CACNB2: variants seen among roughly 807,000 people sequenced by gnomAD.
CACNB2 encodes voltage-dependent L-type calcium channel subunit beta-2.
Under a neutral mutation model 73.3 loss-of-function variants are expected in CACNB2, and 42 were observed. That is an observed-to-expected ratio of 0.57 (90% CI 0.45 to 0.74). The LOEUF (loss-of-function observed/expected upper bound fraction) is 0.74, where lower values mean the gene tolerates loss of function less well. CACNB2 is among the 30% of genes least tolerant of loss of function. The probability of loss-of-function intolerance (pLI) is 0.00; values close to 1 mark genes in which losing one functional copy is unlikely to be tolerated. For missense variants in CACNB2, 940 were observed against 853.0 expected (o/e 1.10, Z -1.27); for synonymous variants, 348 against 310.3 (o/e 1.12, Z -1.28).
chr10:18,220,904 G>A (rs1384055676), intron 2 of CACNB2, among the ~76,000 whole-genome samples: 2 of 152,164 alleles, frequency 1.3e-5, no homozygotes, highest in East Asian at 3.8e-4. Flanking sequence ...CATGAAACCG[G>A]CCTCTGGTGC....
intron 3 of CACNB2, among the ~76,000 whole-genome samples, chr10:18,446,598 T>C (rs901288012): frequency 6.6e-6 from 1 of 152,204 alleles, no homozygotes; most frequent in African/African-American, 2.4e-5. Flanking sequence ...CCAGTGACAC[T>C]ACTTAGTATC....
intron 2 of CACNB2, among the ~76,000 whole-genome samples, chr10:18,266,160 T>C (rs2037789339): frequency 6.6e-6 from 1 of 152,236 alleles, no homozygotes; most frequent in African/African-American, 2.4e-5. Flanking sequence ...TTATGCCCAC[T>C]ATTTCATTTG....
At position 18,539,210 on chromosome 10, in the gene CACNB2, T is replaced by C; in HGVS notation, c.1489-20T>C. Reference sequence around the variant, plus strand: ...CACACTGACCTTGGTTAACGCCTGGTGTGCTCCTTTCGCTGCCAGGGTTCT... The same window carrying C: ...CACACTGACCTTGGTTAACGCCTGGCGTGCTCCTTTCGCTGCCAGGGTTCT... On this transcript the variant is annotated intron_variant, in intron 13 of 13. Transcript: ENST00000324631. The C allele has an allele frequency of 6.2e-7, 1 of 1,613,938 alleles. No homozygotes were observed.
intron 2 of CACNB2, among the ~76,000 whole-genome samples, chr10:18,300,116 G>A (rs2039449070): frequency 6.6e-6 from 1 of 152,032 alleles, no homozygotes; most frequent in Non-Finnish European, 1.5e-5. Context: ...CCACCTCCCG[G>A]GTTCAAGTGA....
At chr10:18,332,905 T>A (rs1469281515) in intron 2 of CACNB2, among the ~76,000 whole-genome samples, 1 of 152,224 alleles carries the variant, frequency 6.6e-6, no homozygotes, top group Non-Finnish European at 1.5e-5. Flanking sequence ...TTTACCATGT[T>A]AAATGCAGGT....
intron 2 of CACNB2, chr10:18,181,749 T>G (rs962584158): frequency 6.6e-6 from 1 of 151,418 alleles, no homozygotes; most frequent in African/African-American, 2.4e-5. Flanking sequence ...CATGCAGCTG[T>G]AACTATGGGC....
At chr10:18,159,042 C>T (rs960774491) in intron 2 of CACNB2, among the ~76,000 whole-genome samples, 17 of 152,000 alleles carry the variant, frequency 1.1e-4, no homozygotes, top group Non-Finnish European at 2.1e-4. Context: ...TCCCTCCCTC[C>T]CTGTTTTGTC....
intron 4 of CACNB2, among the ~76,000 whole-genome samples, chr10:18,499,888 T>C (rs2050099034): frequency 6.6e-6 from 1 of 151,606 alleles, no homozygotes; most frequent in African/African-American, 2.4e-5. Context: ...AGTGGATTGA[T>C]TGAGCCTGGA....
At chr10:18,415,788 A>G (rs937268495) in intron 3 of CACNB2, among the ~76,000 whole-genome samples, 2 of 152,220 alleles carry the variant, frequency 1.3e-5, no homozygotes, top group African/African-American at 4.8e-5. Flanking sequence ...ACCATTCGTA[A>G]GTGTACAATT....
intron 2 of CACNB2, among the ~76,000 whole-genome samples, chr10:18,376,248 C>A (rs932791039): frequency 3.0e-4 from 46 of 152,200 alleles, no homozygotes; most frequent in African/African-American, 1.1e-3. Flanking sequence ...CACAGAAAGA[C>A]AAATTTCTCA....
At chr10:18,432,835 A>AAAAC (rs71402166) in intron 3 of CACNB2, among the ~76,000 whole-genome samples, 51,993 of 150,772 alleles carry the variant, frequency 0.34, 9,041 homozygotes, top group African/African-American at 0.38. Context: ...CCTGTCTAAA[A>AAAAC]AAACAAACAA....
chr10:18,414,998 A>G (rs1478325926), intron 3 of CACNB2, among the ~76,000 whole-genome samples: 1 of 152,256 alleles, frequency 6.6e-6, no homozygotes, highest in Non-Finnish European at 1.5e-5. Context: ...GGAAAAAAGT[A>G]GAATGTATTT....
At chr10:18,308,272 G>A (rs539545419) in intron 2 of CACNB2, among the ~76,000 whole-genome samples, 130 of 152,204 alleles carry the variant, frequency 8.5e-4, no homozygotes, top group Non-Finnish European at 1.7e-3. Flanking sequence ...GGGATTATAG[G>A]CGTGAACCAC....
chr10:18,484,616 A>G (rs902402997), intron 3 of CACNB2, among the ~76,000 whole-genome samples: 3 of 152,124 alleles, frequency 2.0e-5, no homozygotes, highest in African/African-American at 4.8e-5. Flanking sequence ...AAACTTTTCA[A>G]TCGCTGTAGC....
chr10:18,298,988 A>G (rs1389967826), intron 2 of CACNB2, among the ~76,000 whole-genome samples: 1 of 151,880 alleles, frequency 6.6e-6, no homozygotes, highest in Non-Finnish European at 1.5e-5. Flanking sequence ...TAATGAGTGC[A>G]GCACACCAAC....
intron 2 of CACNB2, among the ~76,000 whole-genome samples, chr10:18,225,520 C>CTCTTT (rs957678069): frequency 1.3e-5 from 2 of 152,032 alleles, no homozygotes; most frequent in East Asian, 1.9e-4. Context: ...TTTTCTCTCT[C>CTCTTT]TCTTTTCTTT....
At chr10:18,495,445 C>T (rs185919293) in intron 3 of CACNB2, among the ~76,000 whole-genome samples, 149 of 152,138 alleles carry the variant, frequency 9.8e-4, no homozygotes, top group African/African-American at 3.3e-3. Flanking sequence ...TCTAGAACTC[C>T]CAATCTCAGG....
intron 2 of CACNB2, among the ~76,000 whole-genome samples, chr10:18,300,650 A>T (rs1425013028): frequency 2.0e-5 from 3 of 152,154 alleles, no homozygotes; most frequent in African/African-American, 7.2e-5. Flanking sequence ...GGAGTTCAAG[A>T]CCAGCCTGGC....
At chr10:18,398,261 G>C (rs2043812964) in intron 2 of CACNB2, among the ~76,000 whole-genome samples, 1 of 152,228 alleles carries the variant, frequency 6.6e-6, no homozygotes, top group South Asian at 2.1e-4. Flanking sequence ...AACAGCTTCA[G>C]ATACTGAAAC....
Sources: gnomAD v4.1 joint callset for allele counts (sites outside exome capture counted in the v4.1 genomes callset) on GRCh38, gnomAD v4.1.1 for gene constraint, MANE v1.5 for transcripts, NCBI Gene and HGNC (gene_info 2026-07-23, HGNC 2026-07-21) for gene names.